C9: variants seen among roughly 807,000 people sequenced by gnomAD.
C9 encodes the protein complement C9, also known as complement component C9.
Under a neutral mutation model 65.4 loss-of-function variants are expected in C9, and 63 were observed. That is an observed-to-expected ratio of 0.96 (90% CI 0.79 to 1.19). C9 has a LOEUF of 1.19. Ranked by LOEUF, C9 falls within the 50% of genes most tolerant of loss-of-function variation. The pLI is 0.00. For synonymous variants in C9, 229 were observed against 227.9 expected (o/e 1.00, Z -0.04); for missense variants, 744 against 670.1 (o/e 1.11, Z -1.22).
intron 2 of C9, 43 bp from the exon 3 acceptor site, chr5:39,341,743 A>C (rs763739420): frequency 6.3e-7 from 1 of 1,596,824 alleles, no homozygotes; most frequent in South Asian, 1.1e-5. Flanking sequence ...CTAATGCCAA[A>C]AAAAGGGTAT....
At chr5:39,334,046 G>T (rs2111935658) in intron 4 of C9, among the ~76,000 whole-genome samples, 1 of 152,162 alleles carries the variant, frequency 6.6e-6, no homozygotes, top group African/African-American at 2.4e-5. Context: ...CGTCTGGGAA[G>T]TGAGGAGCGT....
intron 5 of C9, among the ~76,000 whole-genome samples, chr5:39,330,421 G>T (rs898110280): frequency 3.9e-5 from 6 of 152,152 alleles, no homozygotes; most frequent in Non-Finnish European, 7.3e-5. Flanking sequence ...TGTCGTACAA[G>T]TTATTACCCC....
Position 39,342,214 on chromosome 5 carries a change from C to T in C9, c.78-18G>A, listed in dbSNP as rs748827614. On this transcript the variant is annotated intron_variant, in intron 1 of 10. Transcript: ENST00000263408. ...GGTCATAACTAAGATAACAGAACAT[C>T]CCAGTTTATAATGACCATTGTGTAT... 86 of 1,297,976 alleles carry T rather than the reference C, an allele frequency of 6.6e-5. No homozygotes were observed. The highest frequency in any genetic ancestry group is 1.8e-4 in the Admixed American group (11 of 59,604). 80.4% of individuals were successfully genotyped at this position (1,297,976 alleles called of 1,614,324 possible). A position where few individuals can be genotyped will look rare whatever the true frequency, so the allele number is the denominator to read the frequency against.
chr5:39,313,451 T>G (rs1179619265), intron 6 of C9, among the ~76,000 whole-genome samples: 2 of 152,182 alleles, frequency 1.3e-5, no homozygotes, highest in Non-Finnish European at 2.9e-5. Flanking sequence ...CTCTTCTTCT[T>G]AATAGAGATT....
intron 1 of C9, among the ~76,000 whole-genome samples, chr5:39,346,558 C>T (rs1346979384): frequency 2.6e-5 from 4 of 152,122 alleles, no homozygotes; most frequent in Non-Finnish European, 4.4e-5. Flanking sequence ...AAGTCCAGGA[C>T]CAGATGGATT....
chr5:39,303,659 T>A (rs1753324165), intron 9 of C9, among the ~76,000 whole-genome samples: 2 of 152,024 alleles, frequency 1.3e-5, no homozygotes, highest in African/African-American at 2.4e-5. Flanking sequence ...TCCCAGAATG[T>A]TATTTCATTC....
At chr5:39,333,881 C>A (rs191487519) in intron 4 of C9, among the ~76,000 whole-genome samples, 1 of 152,172 alleles carries the variant, frequency 6.6e-6, no homozygotes, top group Non-Finnish European at 1.5e-5. Context: ...CCTGAGTTGC[C>A]GGGATTGCAG....
chr5:39,359,960 AG>A (rs1754484880), intron 1 of C9, among the ~76,000 whole-genome samples: 1 of 152,228 alleles, frequency 6.6e-6, no homozygotes, highest in Non-Finnish European at 1.5e-5. Context: ...GGCCAAATGT[AG>A]TTCATAAATA....
At position 39,285,244 on chromosome 5, in the gene C9, C is replaced by T; in HGVS notation, c.1646-11G>A. On this transcript the variant is annotated splice_polypyrimidine_tract_variant and intron_variant, in intron 10 of 10. Coordinates refer to ENST00000263408, the MANE Select transcript of C9 (RefSeq NM_001737.5). Reference sequence around the variant, plus strand: ...CTAGGGCTGGCAATCCTAGAGAAAACAAATAAGTATCAAATCTTAATCATC... The same window carrying T: ...CTAGGGCTGGCAATCCTAGAGAAAATAAATAAGTATCAAATCTTAATCATC... The T allele has an allele frequency of 6.2e-7, 1 of 1,610,038 alleles. No individual in the cohort carries two copies. Among genetic ancestry groups the T allele is most frequent in the Non-Finnish European group, 8.5e-7 (1 of 1,176,462 alleles).
At chr5:39,329,174 C>A (rs1753802003) in intron 5 of C9, among the ~76,000 whole-genome samples, 1 of 152,182 alleles carries the variant, frequency 6.6e-6, no homozygotes, top group Admixed American at 6.5e-5. Flanking sequence ...TCACTCCCCC[C>A]TCCCCTTTTT....
chr5:39,350,261 C>T (rs835209), intron 1 of C9, among the ~76,000 whole-genome samples: 8,559 of 152,216 alleles, frequency 0.056, 385 homozygotes, highest in African/African-American at 0.12. Flanking sequence ...TCCAGCCCCA[C>T]GATTTAATCA....
chr5:39,287,754 A>G (rs188549942), intron 10 of C9, among the ~76,000 whole-genome samples: 5 of 152,106 alleles, frequency 3.3e-5, no homozygotes, highest in Non-Finnish European at 5.9e-5. Flanking sequence ...GTTCTCGCTT[A>G]TAAGTGGGAG....
At chr5:39,336,812 A>G (rs1237788874) in intron 4 of C9, among the ~76,000 whole-genome samples, 1 of 152,156 alleles carries the variant, frequency 6.6e-6, no homozygotes, top group Non-Finnish European at 1.5e-5. Flanking sequence ...TCTGAGTTAT[A>G]TACCAAAAAG....
chr5:39,344,587 GA>G (rs1251513490), intron 1 of C9, among the ~76,000 whole-genome samples: 6 of 152,286 alleles, frequency 3.9e-5, no homozygotes, highest in Non-Finnish European at 7.3e-5. Context: ...AACCAAGTTG[GA>G]AAACACTCTG....
At chr5:39,289,789 C>T (rs1450321466) in intron 9 of C9, among the ~76,000 whole-genome samples, 2 of 151,764 alleles carry the variant, frequency 1.3e-5, no homozygotes, top group Non-Finnish European at 2.9e-5. Flanking sequence ...GAACTAAAGG[C>T]ATATGTAAAT....
At position 39,341,717 on chromosome 5, in the gene C9, G is replaced by A. The variant is rs764889767; in HGVS notation, c.184-17C>T. ...TGAACGAAACTGCACAATATCAGTT[G>A]GAATGATTAGAATTTCTAATGCCAA... is the stretch of plus-strand genomic sequence containing the variant. On this transcript the variant is annotated splice_polypyrimidine_tract_variant and intron_variant, in intron 2 of 10. Coordinates refer to ENST00000263408, the MANE Select transcript of C9 (RefSeq NM_001737.5). 1.2e-6 allele frequency: 2 copies of A among 1,613,006 alleles called. No individual in the cohort carries two copies. Among genetic ancestry groups the A allele is most frequent in the Non-Finnish European group, 1.7e-6 (2 of 1,179,070 alleles).
chr5:39,322,688 C>T (rs374173260), intron 5 of C9, among the ~76,000 whole-genome samples: 46 of 152,198 alleles, frequency 3.0e-4, no homozygotes, highest in African/African-American at 1.0e-3. Context: ...GGTTTTGCAT[C>T]CGTGGATTCA....
intron 4 of C9, among the ~76,000 whole-genome samples, chr5:39,335,854 A>G (rs1753954780): frequency 6.6e-6 from 1 of 152,066 alleles, no homozygotes; most frequent in Non-Finnish European, 1.5e-5. Flanking sequence ...GTAAATTGGG[A>G]TGGGGCTAGT....
intron 10 of C9, 85 bp from the exon 11 acceptor site, chr5:39,285,318 T>C (rs1483319655): frequency 2.9e-6 from 3 of 1,028,190 alleles, no homozygotes; most frequent in African/African-American, 1.6e-5. Flanking sequence ...TTTCACCTTC[T>C]TATCCTCTTG....
Sources: gnomAD v4.1 joint callset for allele counts (sites outside exome capture counted in the v4.1 genomes callset) on GRCh38, gnomAD v4.1.1 for gene constraint, MANE v1.5 for transcripts, NCBI Gene and HGNC (gene_info 2026-07-23, HGNC 2026-07-21) for gene names.